Variants in ITGB5 observed in about 807,000 individuals in gnomAD.
ITGB5 encodes integrin beta-5.
ITGB5 carries 38 observed loss-of-function variants against 84.8 expected under a neutral mutation model. That is an observed-to-expected ratio of 0.45 (90% CI 0.35 to 0.59). The LOEUF is 0.59. Among genes scored for constraint, ITGB5 ranks in the 20% least tolerant of loss-of-function variants. The pLI is 0.01. For missense variants in ITGB5, 905 were observed against 1,034.5 expected, an observed-to-expected ratio of 0.87 and a Z score of 1.72; for synonymous variants, 393 against 414.4, an observed-to-expected ratio of 0.95 and a Z score of 0.63.
chr3:124,817,141 A>T (rs61761666), intron 8 of ITGB5, among the ~76,000 whole-genome samples: 4,901 of 152,292 alleles, frequency 0.032, 141 homozygotes, highest in African/African-American at 0.069. Context: ...CCTGAGCTCC[A>T]TGAGCCTGAG....
At chr3:124,868,062 C>A (rs1449187717) in intron 2 of ITGB5, among the ~76,000 whole-genome samples, 1 of 152,120 alleles carries the variant, frequency 6.6e-6, no homozygotes, top group Non-Finnish European at 1.5e-5. Flanking sequence ...GGCTCTTCCC[C>A]CTTTGCTCAG....
intron 2 of ITGB5, 106 bp downstream of exon 2, chr3:124,873,340 A>T: frequency 1.2e-6 from 1 of 823,432 alleles, no homozygotes; most frequent in Non-Finnish European, 2.2e-6. Context: ...GAATCTGCAC[A>T]GGATTTTTAT....
At chr3:124,789,023 G>A (rs1320002999) in intron 10 of ITGB5, among the ~76,000 whole-genome samples, 1 of 152,174 alleles carries the variant, frequency 6.6e-6, no homozygotes, top group Non-Finnish European at 1.5e-5. Flanking sequence ...GGGAGACCCT[G>A]TCTCTATTGT....
intron 8 of ITGB5, among the ~76,000 whole-genome samples, chr3:124,816,248 TG>T (rs1347983055): frequency 6.6e-6 from 1 of 152,222 alleles, no homozygotes; most frequent in East Asian, 1.9e-4. Context: ...TCCCCCTAGC[TG>T]GGCAGTACTT....
At chr3:124,818,070 C>G (rs971161748) in intron 7 of ITGB5, among the ~76,000 whole-genome samples, 8 of 152,138 alleles carry the variant, frequency 5.3e-5, no homozygotes, top group Admixed American at 1.3e-4. Context: ...ATTTCTCCCC[C>G]GGTCTCTGAG....
At chr3:124,897,927 C>T (rs1433627120) in intron 1 of ITGB5, among the ~76,000 whole-genome samples, 1 of 152,112 alleles carries the variant, frequency 6.6e-6, no homozygotes, top group African/African-American at 2.4e-5. Context: ...TGTTATGTGA[C>T]AAGTTCTAAG....
At chr3:124,805,382 A>AGTC in intron 9 of ITGB5, among the ~76,000 whole-genome samples, 2 of 151,946 alleles carry the variant, frequency 1.3e-5, no homozygotes, top group South Asian at 4.2e-4. Flanking sequence ...AGCTCAAGCA[A>AGTC]TTAACAAGTC....
chr3:124,799,986 G>A (rs918021542), intron 9 of ITGB5, among the ~76,000 whole-genome samples: 16 of 152,178 alleles, frequency 1.1e-4, no homozygotes, highest in African/African-American at 2.9e-4. Context: ...ATGCCTGCCC[G>A]AAGCCACCCG....
chr3:124,877,597 T>C (rs1254839900), intron 1 of ITGB5, among the ~76,000 whole-genome samples: 2 of 152,150 alleles, frequency 1.3e-5, no homozygotes, highest in African/African-American at 2.4e-5. Context: ...CCTCTTTTTA[T>C]AGATGAAAAT....
At chr3:124,788,731 T>C (rs1371571122) in intron 10 of ITGB5, among the ~76,000 whole-genome samples, 1 of 152,208 alleles carries the variant, frequency 6.6e-6, no homozygotes, top group Admixed American at 6.5e-5. Context: ...CTGTGGAAGA[T>C]ATATTTTGCA....
At chr3:124,898,429 G>C (rs930982309) in intron 1 of ITGB5, among the ~76,000 whole-genome samples, 3 of 146,626 alleles carry the variant, frequency 2.0e-5, no homozygotes, top group South Asian at 2.2e-4. Context: ...GGATCACGAC[G>C]TCAGGAGATC....
chr3:124,862,135 G>A (rs1234509983), intron 2 of ITGB5: 1 of 152,340 alleles, frequency 6.6e-6, no homozygotes, highest in African/African-American at 2.4e-5. Context: ...CTGGCGAACT[G>A]AGCCTTGCTA....
intron 3 of ITGB5, among the ~76,000 whole-genome samples, chr3:124,858,198 T>C (rs2065245830): frequency 6.6e-6 from 1 of 151,844 alleles, no homozygotes; most frequent in Non-Finnish European, 1.5e-5. Flanking sequence ...ATAGTAGGTG[T>C]GCAAAACTGT....
At chr3:124,838,286 G>A (rs1421548300) in intron 5 of ITGB5, among the ~76,000 whole-genome samples, 2 of 150,908 alleles carry the variant, frequency 1.3e-5, no homozygotes, top group African/African-American at 2.4e-5. Flanking sequence ...AAGAAAATAA[G>A]CCTATCACCT....
intron 2 of ITGB5, among the ~76,000 whole-genome samples, chr3:124,861,002 G>A (rs950204334): frequency 6.6e-6 from 1 of 152,162 alleles, no homozygotes; most frequent in African/African-American, 2.4e-5. Context: ...GGAGTTCAAC[G>A]CTGCAGTGAA....
chr3:124,780,148 A>G (rs530770238), intron 10 of ITGB5, among the ~76,000 whole-genome samples: 7 of 121,536 alleles, frequency 5.8e-5, no homozygotes, highest in Admixed American at 5.4e-4. Context: ...GGCAGGGCAC[A>G]GGGACCATGG....
At chr3:124,825,598 G>A (rs1006336616) in intron 5 of ITGB5, among the ~76,000 whole-genome samples, 1 of 152,132 alleles carries the variant, frequency 6.6e-6, no homozygotes, top group Non-Finnish European at 1.5e-5. Flanking sequence ...GACTCAAAAG[G>A]CTAATTCCAT....
intron 11 of ITGB5, chr3:124,769,932 A>G (rs1475888197): frequency 1.3e-5 from 2 of 152,276 alleles, no homozygotes; most frequent in Non-Finnish European, 2.9e-5. Flanking sequence ...ACCTCAGGCT[A>G]ACAGCAGGTG....
chr3:124,872,653 GT>G (rs1199776792), intron 2 of ITGB5, among the ~76,000 whole-genome samples: 3 of 152,132 alleles, frequency 2.0e-5, no homozygotes, highest in African/African-American at 7.2e-5. Context: ...TACAGGGAGG[GT>G]TTGTGACCCA....
Sources: gnomAD v4.1 joint callset for allele counts (sites outside exome capture counted in the v4.1 genomes callset) on GRCh38, gnomAD v4.1.1 for gene constraint, MANE v1.5 for transcripts, NCBI Gene and HGNC (gene_info 2026-07-23, HGNC 2026-07-21) for gene names.